The following TMEM60 variants were observed in gnomAD, a reference collection of about 807,000 sequenced individuals.
The protein encoded by TMEM60 is transmembrane protein 60.
In TMEM60, 4 loss-of-function variants were observed where a neutral mutation model predicts 10.7. That is an observed-to-expected ratio of 0.37 (90% CI 0.18 to 0.86). The LOEUF (loss-of-function observed/expected upper bound fraction) is 0.86, where lower values mean the gene tolerates loss of function less well. Among genes scored for constraint, TMEM60 ranks in the 40% least tolerant of loss-of-function variants. TMEM60 has a pLI of 0.43. For missense variants in TMEM60, 128 were observed against 153.4 expected (o/e 0.83, Z 0.88); for synonymous variants, 56 against 58.1 (o/e 0.96, Z 0.17).
chr7:77,795,165 G>GTCAGTCCA (rs1792154708), intron 1 of TMEM60, among the ~76,000 whole-genome samples: 1 of 151,898 alleles, frequency 6.6e-6, no homozygotes, highest in Admixed American at 6.6e-5. Context: ...GTCTCAATCA[G>GTCAGTCCA]TCAATCCATC....
At chr7:77,797,863 C>T (rs1343632607) in intron 1 of TMEM60, among the ~76,000 whole-genome samples, 1 of 152,186 alleles carries the variant, frequency 6.6e-6, no homozygotes, top group Non-Finnish European at 1.5e-5. Context: ...CATATTTATT[C>T]TTCTTCATAA....
At position 77,794,074 on chromosome 7, in the gene TMEM60, C is replaced by G; in HGVS notation, c.300G>C (p.Gln100His). ...CATAGGATAGATTCATGGTAGTAAA[C>G]TGTTCCAGTTTAGCACAGAGTGCGA... is the stretch of plus-strand genomic sequence containing the variant. ...FCLALCAKLEQFTTMNLSYVF... is the reference protein window; with the variant it reads ...FCLALCAKLEHFTTMNLSYVF... Residue 100 changes from glutamine to histidine, a missense_variant, in exon 2 of 2, where the codon CAG (glutamine) becomes CAC (histidine). Gln to His is a conservative substitution (Grantham distance 24). Transcript: ENST00000257663. 6.2e-7 allele frequency: 1 copy of G among 1,614,120 alleles called. No homozygotes were observed. The highest frequency in any genetic ancestry group is 8.5e-7 in the Non-Finnish European group (1 of 1,180,026).
At position 77,794,193 on chromosome 7, in the gene TMEM60, A is replaced by G. The variant is rs1275135473; in HGVS notation, c.181T>C (p.Cys61Arg). The change falls in exon 2 of 2, where the codon TGT (cysteine) becomes CGT (arginine). Residue 61 changes from cysteine to arginine, a missense_variant. By Grantham distance (180) the Cys-to-Arg change is radical. Transcript: ENST00000257663. ...VLLIVKMAGRCKSGFDPRHGS... is the reference protein window; with the variant it reads ...VLLIVKMAGRRKSGFDPRHGS... ...TGTCGAGGGTCAAAGCCAGACTTAC[A>G]CCGCCCAGCCATTTTCACAATCAGC... The G allele has an allele frequency of 6.2e-7, 1 of 1,613,720 alleles. No homozygotes were observed. The highest frequency in any genetic ancestry group is 1.7e-5 in the Admixed American group (1 of 59,928).
chr7:77,795,320 G>A (rs1192122772), intron 1 of TMEM60, among the ~76,000 whole-genome samples: 1 of 152,126 alleles, frequency 6.6e-6, no homozygotes, highest in Non-Finnish European at 1.5e-5. Flanking sequence ...AGGAGTTCAA[G>A]ACTAGTCTGG....
At chr7:77,795,594 A>T (rs189089067) in intron 1 of TMEM60, among the ~76,000 whole-genome samples, 1 of 152,316 alleles carries the variant, frequency 6.6e-6, no homozygotes, top group Admixed American at 6.5e-5. Context: ...ATATAATTTG[A>T]AACATATTCT....
intron 1 of TMEM60, among the ~76,000 whole-genome samples, chr7:77,797,767 G>T (rs1584317037): frequency 6.6e-6 from 1 of 152,166 alleles, no homozygotes. Flanking sequence ...CTGGGTATCA[G>T]CCCCCATTTC....
At chr7:77,794,544 A>C in intron 1 of TMEM60, 121 bp from the exon 2 acceptor site, 1 of 601,362 alleles carries the variant, frequency 1.7e-6, no homozygotes, top group Non-Finnish European at 2.6e-6. Flanking sequence ...ACATTCTACT[A>C]TTCTTCCTTT....
chr7:77,794,633 A>G (rs1204665961), intron 1 of TMEM60, among the ~76,000 whole-genome samples: 2 of 152,232 alleles, frequency 1.3e-5, no homozygotes, highest in Admixed American at 6.5e-5. Flanking sequence ...AATTTTTATT[A>G]TATCTACTGT....
At chr7:77,797,361 T>C (rs1792198258) in intron 1 of TMEM60, among the ~76,000 whole-genome samples, 1 of 152,230 alleles carries the variant, frequency 6.6e-6, no homozygotes, top group African/African-American at 2.4e-5. Context: ...AACAATCTTA[T>C]TGTGCCTACA....
chr7:77,795,067 T>C (rs887986941), intron 1 of TMEM60, among the ~76,000 whole-genome samples: 1 of 152,254 alleles, frequency 6.6e-6, no homozygotes, highest in South Asian at 2.1e-4. Flanking sequence ...AGTGGGAGGA[T>C]TGCTTGAGTC....
At position 77,794,384 on chromosome 7, in the gene TMEM60, T is replaced by G; in HGVS notation, c.-11A>C. On this transcript the variant is annotated 5_prime_UTR_variant, in exon 2 of 2. Transcript: ENST00000257663. ...CAAGGACATTCTCATTTAAACAGTTTAAAGAGGCTGTTGCAGGATCGGAAA... is the reference window on the plus strand; with the variant it reads ...CAAGGACATTCTCATTTAAACAGTTGAAAGAGGCTGTTGCAGGATCGGAAA... 1.3e-6 allele frequency: 2 copies of G among 1,500,230 alleles called. No individual in the cohort carries two copies. 92.9% of individuals were successfully genotyped at this position (1,500,230 alleles called of 1,614,324 possible). A position where few individuals can be genotyped will look rare whatever the true frequency, so the allele number is the denominator to read the frequency against.
At chr7:77,797,731 T>C (rs2150442086) in intron 1 of TMEM60, among the ~76,000 whole-genome samples, 1 of 152,330 alleles carries the variant, frequency 6.6e-6, no homozygotes, top group East Asian at 1.9e-4. Flanking sequence ...TGGACATATA[T>C]AGAGCCCCAC....
chr7:77,794,289 C>A lies in TMEM60; in HGVS notation c.85G>T (p.Glu29Ter). Residue 29 changes from glutamate (E) to a stop codon, truncating the protein, a stop_gained, in exon 2 of 2, where the codon GAG (glutamate) becomes TAG (stop). Coordinates refer to ENST00000257663, the MANE Select transcript of TMEM60 (RefSeq NM_032936.4). LOFTEE classifies it high-confidence loss of function. ...AGGAACCAGTTCCAAGGTGCTTTCTCATCCAGTTTCAACACCAACATGATC... is the reference window on the plus strand; with the variant it reads ...AGGAACCAGTTCCAAGGTGCTTTCTAATCCAGTTTCAACACCAACATGATC... ...FLIMLVLKLD[E>*]KAPWNWFLIF... is the part of the protein sequence containing the mutation. 1 of 1,613,108 alleles carries A rather than the reference C, an allele frequency of 6.2e-7. No homozygotes were observed. Among genetic ancestry groups the A allele is most frequent in the Non-Finnish European group, 8.5e-7 (1 of 1,179,696 alleles).
rs373301493 is a variant in TMEM60 at position 77,794,397 on chromosome 7, G to C, written c.-24C>G. The C allele has an allele frequency of 4.8e-6, 7 of 1,461,780 alleles. No individual in the cohort carries two copies. Among genetic ancestry groups the C allele is most frequent in the Non-Finnish European group, 6.3e-6 (7 of 1,107,812 alleles). 90.6% of individuals were successfully genotyped at this position (1,461,780 alleles called of 1,614,324 possible). On this transcript the variant is annotated 5_prime_UTR_variant, in exon 2 of 2. Coordinates refer to ENST00000257663, the MANE Select transcript of TMEM60 (RefSeq NM_032936.4). ...ATTTAAACAGTTTAAAGAGGCTGTTGCAGGATCGGAAAAAAGGAAATATAC... is the reference window on the plus strand; with the variant it reads ...ATTTAAACAGTTTAAAGAGGCTGTTCCAGGATCGGAAAAAAGGAAATATAC...
chr7:77,794,878 AG>A (rs1562817168), intron 1 of TMEM60, among the ~76,000 whole-genome samples: 1 of 152,214 alleles, frequency 6.6e-6, no homozygotes, highest in East Asian at 1.9e-4. Context: ...GGGAATGGGA[AG>A]GGTGCGTGGC....
intron 1 of TMEM60, 117 bp from the exon 2 acceptor site, chr7:77,794,540 T>C (rs1322320275): frequency 6.4e-6 from 4 of 621,370 alleles, no homozygotes; most frequent in East Asian, 6.2e-5. Flanking sequence ...GAAAACATTC[T>C]ACTATTCTTC....
chr7:77,798,344 C>G lies in TMEM60; in HGVS notation c.-141G>C, dbSNP rs1223063847. The G allele has an allele frequency of 6.6e-6, 1 of 152,184 alleles. No individual in the cohort carries two copies. The highest frequency in any genetic ancestry group is 1.5e-5 in the Non-Finnish European group (1 of 68,046). 9.4% of individuals were successfully genotyped at this position (152,184 alleles called of 1,614,324 possible). A position where few individuals can be genotyped will look rare whatever the true frequency, so the allele number is the denominator to read the frequency against. ...CCTTGTCCTTTTCCGCCCTTTTCCC[C>G]CCATTAAATCCAGAACCCGTCACAT... On this transcript the variant is annotated 5_prime_UTR_variant, in exon 1 of 2. Transcript: ENST00000257663.
rs1375408441 is a variant in TMEM60 at position 77,796,036 on chromosome 7, C to A, written c.-50-1613G>T. 2.0e-5 allele frequency among the ~76,000 whole-genome samples: 3 copies of A among 151,950 alleles called. No individual in the cohort carries two copies. The East Asian group carries it at 5.8e-4, about 29-fold the overall frequency. On this transcript the variant is annotated intron_variant, in intron 1 of 1. Transcript: ENST00000257663. ...CACTGCAGCCTCTGCCTCTCGGGTTCAAGTGATCCTCCCACTTAAGTTTCC... is the reference window on the plus strand; with the variant it reads ...CACTGCAGCCTCTGCCTCTCGGGTTAAAGTGATCCTCCCACTTAAGTTTCC...
chr7:77,795,263 C>T (rs1584314867), intron 1 of TMEM60, among the ~76,000 whole-genome samples: 1 of 152,112 alleles, frequency 6.6e-6, no homozygotes, highest in African/African-American at 2.4e-5. Flanking sequence ...CTCACACCCA[C>T]AGTCCCAACA....
Sources: gnomAD v4.1 joint callset for allele counts (sites outside exome capture counted in the v4.1 genomes callset) on GRCh38, gnomAD v4.1.1 for gene constraint, MANE v1.5 for transcripts, NCBI Gene and HGNC (gene_info 2026-07-23, HGNC 2026-07-21) for gene names.